LRP1B: variants seen among roughly 807,000 people sequenced by gnomAD.
LRP1B encodes low-density lipoprotein receptor-related protein 1B.
Under a neutral mutation model 556.6 loss-of-function variants are expected in LRP1B, and 217 were observed. The observed-to-expected ratio is 0.39, with a 90% CI of 0.35 to 0.44. The LOEUF (loss-of-function observed/expected upper bound fraction) is 0.44. LRP1B is among the 20% of genes least tolerant of loss of function. LRP1B has a pLI of 1.00. For missense variants in LRP1B, 5,053 were observed against 5,620.8 expected, an observed-to-expected ratio of 0.90 and a Z score of 3.23; for synonymous variants, 2,047 against 1,865.8, an observed-to-expected ratio of 1.10 and a Z score of -2.50.
At chr2:140,384,987 C>T (rs1683693620) in intron 67 of LRP1B, among the ~76,000 whole-genome samples, 1 of 152,174 alleles carries the variant, frequency 6.6e-6, no homozygotes, top group Non-Finnish European at 1.5e-5. Flanking sequence ...TGTGGCAGCT[C>T]ACGCCTGTCA....
At chr2:141,468,456 T>C (rs1433799527) in intron 3 of LRP1B, among the ~76,000 whole-genome samples, 1 of 152,200 alleles carries the variant, frequency 6.6e-6, no homozygotes, top group East Asian at 1.9e-4. Context: ...AGTGCACATA[T>C]ATTTCTATAC....
At chr2:141,684,309 T>C (rs1308747269) in intron 2 of LRP1B, among the ~76,000 whole-genome samples, 1 of 152,096 alleles carries the variant, frequency 6.6e-6, no homozygotes, top group Non-Finnish European at 1.5e-5. Flanking sequence ...TGCAGGGACA[T>C]GGATGAAGAT....
At chr2:140,908,114 T>A (rs774865046) in intron 21 of LRP1B, 37 bp from the exon 22 acceptor site, 25 of 1,542,190 alleles carry the variant, frequency 1.6e-5, no homozygotes, top group Non-Finnish European at 2.2e-5. Context: ...TTGATTTTTG[T>A]GATTAGGTCA....
Position 140,813,712 on chromosome 2 carries a change from T to A in LRP1B, c.5304A>T (p.Glu1768Asp). The A allele has an allele frequency of 6.2e-7, 1 of 1,612,978 alleles. No individual in the cohort carries two copies. Reference protein sequence around the residue: ...NRCNLDGGNLEVIESMKEELT... With the variant: ...NRCNLDGGNLDVIESMKEELT... Reference sequence around the variant, plus strand: ...ATTCTTCTTTCATTGACTCGATTACTTCTAAATTACCACCATCCAGGTTGC... The same window carrying A: ...ATTCTTCTTTCATTGACTCGATTACATCTAAATTACCACCATCCAGGTTGC... Residue 1768 changes from glutamate (E) to aspartate (D), a missense_variant, in exon 32 of 91, where the codon GAA (glutamate) becomes GAT (aspartate). By Grantham distance (45) the Glu-to-Asp change is conservative. Transcript: ENST00000389484.
intron 3 of LRP1B, among the ~76,000 whole-genome samples, chr2:141,351,367 C>A (rs1012026372): frequency 2.0e-5 from 3 of 151,960 alleles, no homozygotes; most frequent in Non-Finnish European, 4.4e-5. Flanking sequence ...TTGTACCTTC[C>A]ACATTCATTT....
chr2:140,927,725 T>TC (rs397869203), intron 20 of LRP1B, among the ~76,000 whole-genome samples: 1 of 147,990 alleles, frequency 6.8e-6, no homozygotes, highest in Non-Finnish European at 1.5e-5. Flanking sequence ...TTTTTTTTTT[T>TC]GAGATGGAAT....
intron 3 of LRP1B, among the ~76,000 whole-genome samples, chr2:141,400,100 C>A (rs1471829069): frequency 6.6e-6 from 1 of 152,024 alleles, no homozygotes; most frequent in Non-Finnish European, 1.5e-5. Flanking sequence ...ATTCTCCCAC[C>A]TCAGGCTCCC....
At chr2:141,400,774 T>C (rs1292444576) in intron 3 of LRP1B, among the ~76,000 whole-genome samples, 4 of 152,194 alleles carry the variant, frequency 2.6e-5, no homozygotes, top group Non-Finnish European at 5.9e-5. Flanking sequence ...GCACATCAAA[T>C]ATTTAATTTC....
At chr2:140,495,842 G>T in intron 55 of LRP1B, 94 bp from the exon 56 acceptor site, 3 of 941,204 alleles carry the variant, frequency 3.2e-6, no homozygotes, top group Non-Finnish European at 4.7e-6. Flanking sequence ...AAAAGCATTT[G>T]AAAATAGATA....
intron 3 of LRP1B, among the ~76,000 whole-genome samples, chr2:141,320,189 C>T (rs1242456775): frequency 6.6e-6 from 1 of 151,948 alleles, no homozygotes; most frequent in Admixed American, 6.6e-5. Flanking sequence ...GTATAATGCC[C>T]CAAAATAGCC....
At chr2:142,029,199 G>C (rs906132533) in intron 1 of LRP1B, among the ~76,000 whole-genome samples, 18 of 151,794 alleles carry the variant, frequency 1.2e-4, no homozygotes, top group African/African-American at 4.1e-4. Context: ...AATCTTAAGA[G>C]GGTAAGACCT....
chr2:142,071,283 T>A (rs1705301037), intron 1 of LRP1B, among the ~76,000 whole-genome samples: 1 of 151,996 alleles, frequency 6.6e-6, no homozygotes, highest in Non-Finnish European at 1.5e-5. Context: ...TTATATGCCA[T>A]ATATATTTTT....
chr2:140,373,713 A>G (rs1211647567), intron 68 of LRP1B, among the ~76,000 whole-genome samples: 1 of 152,160 alleles, frequency 6.6e-6, no homozygotes, highest in Non-Finnish European at 1.5e-5. Context: ...TTGAGGATGT[A>G]GTGCGCGATG....
chr2:140,334,581 G>C (rs1157152777), intron 78 of LRP1B, 22 bp from the exon 79 acceptor site: 8 of 1,369,566 alleles, frequency 5.8e-6, no homozygotes, highest in Non-Finnish European at 5.0e-6. Context: ...GGGTCAGAGA[G>C]GTTAGCCTGG....
At chr2:140,314,491 T>TCCCA (rs1684434980) in intron 83 of LRP1B, among the ~76,000 whole-genome samples, 1 of 152,084 alleles carries the variant, frequency 6.6e-6, no homozygotes, top group Non-Finnish European at 1.5e-5. Context: ...TAGATACAAT[T>TCCCA]TTAGATGGGA....
intron 31 of LRP1B, among the ~76,000 whole-genome samples, chr2:140,816,794 A>G (rs1358917570): frequency 6.6e-6 from 1 of 152,118 alleles, no homozygotes; most frequent in African/African-American, 2.4e-5. Flanking sequence ...TATTCATAAT[A>G]TAGATATATA....
chr2:140,263,078 C>T (rs1396149095), intron 86 of LRP1B, among the ~76,000 whole-genome samples: 1 of 152,054 alleles, frequency 6.6e-6, no homozygotes, highest in Non-Finnish European at 1.5e-5. Flanking sequence ...CGCACACCAC[C>T]ATGCCTGGTT....
intron 2 of LRP1B, among the ~76,000 whole-genome samples, chr2:141,756,623 A>G (rs987147158): frequency 6.6e-6 from 1 of 152,008 alleles, no homozygotes; most frequent in South Asian, 2.1e-4. Flanking sequence ...GTTGGAAAAC[A>G]TAGAGAATGG....
At position 140,526,227 on chromosome 2, in the gene LRP1B, A is replaced by G. The variant is rs1480951178; in HGVS notation, c.7876+10T>C. ...AGCATAAACAGACAAAAGGTAGTGG[A>G]ATATCTTACTGCAGTTCTTTTCATC... is the stretch of plus-strand genomic sequence containing the variant. On this transcript the variant is annotated intron_variant, in intron 48 of 90. Coordinates refer to ENST00000389484, the MANE Select transcript of LRP1B (RefSeq NM_018557.3). The G allele has an allele frequency of 1.2e-6, 2 of 1,606,108 alleles. No individual in the cohort carries two copies. Among genetic ancestry groups the G allele is most frequent in the African/African-American group, 1.3e-5 (1 of 74,724 alleles).
Sources: gnomAD v4.1 joint callset for allele counts (sites outside exome capture counted in the v4.1 genomes callset) on GRCh38, gnomAD v4.1.1 for gene constraint, MANE v1.5 for transcripts, NCBI Gene and HGNC (gene_info 2026-07-23, HGNC 2026-07-21) for gene names.